Variants in ATRNL1 observed in about 807,000 individuals in gnomAD.
ATRNL1 encodes the protein attractin like 1.
ATRNL1 carries 95 observed loss-of-function variants against 182.7 expected under a neutral mutation model. The observed-to-expected ratio is 0.52, with a 90% CI of 0.44 to 0.62. ATRNL1 has a LOEUF of 0.62. ATRNL1 is among the 20% of genes least tolerant of loss of function. ATRNL1 has a pLI of 0.00. For synonymous variants in ATRNL1, 576 were observed against 568.3 expected, an observed-to-expected ratio of 1.01 and a Z score of -0.19; for missense variants, 1,471 against 1,679.5, an observed-to-expected ratio of 0.88 and a Z score of 2.17.
At chr10:115,749,944 G>C (rs944681155) in intron 27 of ATRNL1, among the ~76,000 whole-genome samples, 1 of 149,978 alleles carries the variant, frequency 6.7e-6, no homozygotes, top group Admixed American at 6.8e-5. Flanking sequence ...CAGAGTTCTT[G>C]TTGGATCAAA....
intron 1 of ATRNL1, among the ~76,000 whole-genome samples, chr10:115,104,700 C>A (rs1843925797): frequency 6.6e-6 from 1 of 152,068 alleles, no homozygotes; most frequent in Non-Finnish European, 1.5e-5. Context: ...AGTCTTTAAT[C>A]CATTTTCATT....
At chr10:115,571,268 G>C (rs562308946) in intron 26 of ATRNL1, among the ~76,000 whole-genome samples, 1 of 152,114 alleles carries the variant, frequency 6.6e-6, no homozygotes, top group Admixed American at 6.5e-5. Context: ...AGACATAAAC[G>C]TGTGGAAAAA....
chr10:115,935,671 A>G (rs1953535137), intron 28 of ATRNL1, among the ~76,000 whole-genome samples: 1 of 152,184 alleles, frequency 6.6e-6, no homozygotes, highest in Admixed American at 6.5e-5. Context: ...CAGGACAAAA[A>G]TAGCTTCCTG....
At chr10:115,872,370 T>C (rs1951604891) in intron 28 of ATRNL1, among the ~76,000 whole-genome samples, 1 of 152,228 alleles carries the variant, frequency 6.6e-6, no homozygotes, top group Non-Finnish European at 1.5e-5. Context: ...AAGTGGGTAC[T>C]GTCCAATTCC....
chr10:115,799,986 C>T (rs1367270842), intron 27 of ATRNL1, among the ~76,000 whole-genome samples: 1 of 151,868 alleles, frequency 6.6e-6, no homozygotes, highest in Non-Finnish European at 1.5e-5. Flanking sequence ...TTTGGGAGGC[C>T]GAGGCGGGTG....
chr10:115,324,579 A>G (rs1470130420), intron 18 of ATRNL1, among the ~76,000 whole-genome samples: 1 of 152,226 alleles, frequency 6.6e-6, no homozygotes, highest in Non-Finnish European at 1.5e-5. Context: ...TATGATGTGA[A>G]TTTAAGATTG....
chr10:115,131,886 C>T (rs1171382777), intron 5 of ATRNL1, among the ~76,000 whole-genome samples: 2 of 152,164 alleles, frequency 1.3e-5, no homozygotes, highest in South Asian at 2.1e-4. Context: ...TAAGATAACA[C>T]AGAGGAAAAA....
chr10:115,254,543 G>A (rs1236664217), intron 10 of ATRNL1, among the ~76,000 whole-genome samples: 4 of 152,018 alleles, frequency 2.6e-5, no homozygotes, highest in Non-Finnish European at 4.4e-5. Flanking sequence ...TTAGCCCTTT[G>A]TCAGATGGGT....
At chr10:115,118,335 T>C (rs1554870593) in intron 1 of ATRNL1, among the ~76,000 whole-genome samples, 1 of 152,166 alleles carries the variant, frequency 6.6e-6, no homozygotes, top group Non-Finnish European at 1.5e-5. Context: ...TATGCTTAAC[T>C]ACCTGTTATT....
intron 25 of ATRNL1, among the ~76,000 whole-genome samples, chr10:115,542,457 C>A (rs1554992311): frequency 6.6e-6 from 1 of 151,928 alleles, no homozygotes; most frequent in Non-Finnish European, 1.5e-5. Flanking sequence ...TGTGCCAATG[C>A]CATTTATTGC....
intron 19 of ATRNL1, among the ~76,000 whole-genome samples, chr10:115,347,484 CT>C (rs1856029536): frequency 6.6e-6 from 1 of 151,960 alleles, no homozygotes. Flanking sequence ...ACATTTATTA[CT>C]ATTCTTTCAT....
chr10:115,603,565 A>C (rs988334343), intron 26 of ATRNL1, among the ~76,000 whole-genome samples: 5 of 152,212 alleles, frequency 3.3e-5, no homozygotes, highest in Non-Finnish European at 7.3e-5. Flanking sequence ...TAAGAAACTT[A>C]TAATTTATTT....
chr10:115,642,991 T>TAG (rs1308318230), intron 26 of ATRNL1, among the ~76,000 whole-genome samples: 1 of 152,100 alleles, frequency 6.6e-6, no homozygotes, highest in Admixed American at 6.6e-5. Flanking sequence ...AGCTAGTGGA[T>TAG]AGAGGCTAGG....
At chr10:115,624,045 A>T (rs190006997) in intron 26 of ATRNL1, among the ~76,000 whole-genome samples, 26 of 150,814 alleles carry the variant, frequency 1.7e-4, no homozygotes, top group Admixed American at 1.4e-3. Context: ...ATTTGTTTCT[A>T]TACCCACATA....
rs782093586 is a variant in ATRNL1 at position 115,120,248 on chromosome 10, T to C, written c.357T>C (p.Cys119=). 6.4e-7 allele frequency: 1 copy of C among 1,570,622 alleles called. No individual in the cohort carries two copies. The highest frequency in any genetic ancestry group is 1.1e-5 in the South Asian group (1 of 88,758). The part of the protein sequence containing the change: ...GPINYKYKTK[C]TWLIEGYPNA... Reference sequence around the variant, plus strand: ...TTAACTATAAATATAAAACTAAATGTACTTGGCTCATTGAAGGCTAGTAAG... The same window carrying C: ...TTAACTATAAATATAAAACTAAATGCACTTGGCTCATTGAAGGCTAGTAAG... Residue 119 remains cysteine (C), a synonymous_variant, in exon 2 of 29, where the codon TGT becomes TGC. Transcript: ENST00000355044.
At chr10:115,811,833 C>T (rs1555087053) in intron 27 of ATRNL1, among the ~76,000 whole-genome samples, 2 of 150,786 alleles carry the variant, frequency 1.3e-5, no homozygotes. Context: ...TTTTAGATTT[C>T]TTTTTTATTA....
chr10:115,861,174 G>A (rs1172900534), intron 28 of ATRNL1, among the ~76,000 whole-genome samples: 4 of 151,930 alleles, frequency 2.6e-5, no homozygotes, highest in Non-Finnish European at 2.9e-5. Flanking sequence ...AGAGAATTTC[G>A]AATTCAAAGG....
intron 1 of ATRNL1, among the ~76,000 whole-genome samples, chr10:115,112,109 A>G (rs1332555448): frequency 1.6e-4 from 25 of 152,186 alleles, no homozygotes; most frequent in Non-Finnish European, 2.9e-5. Context: ...GAGGTAAAAG[A>G]TCTATATGTA....
At chr10:115,680,910 A>G (rs1201403011) in intron 26 of ATRNL1, among the ~76,000 whole-genome samples, 8 of 152,120 alleles carry the variant, frequency 5.3e-5, no homozygotes, top group Admixed American at 3.9e-4. Context: ...TATTAGACTG[A>G]ATGATGGGCT....
Sources: allele counts gnomAD v4.1 joint callset (sites outside exome capture counted in the v4.1 genomes callset), GRCh38; gene constraint gnomAD v4.1.1; transcripts MANE v1.5; gene names NCBI Gene and HGNC (gene_info 2026-07-23, HGNC 2026-07-21).